DAB1: variants seen among roughly 807,000 people sequenced by gnomAD.
The protein encoded by DAB1 is DAB adaptor protein 1, also known as disabled homolog 1.
Under a neutral mutation model 64.6 loss-of-function variants are expected in DAB1, and 15 were observed. The ratio of observed to expected loss-of-function variants is 0.23; its 90% CI spans 0.16 to 0.36. The LOEUF is 0.36. DAB1 is among the 10% of genes least tolerant of loss of function. DAB1 has a pLI of 1.00. For missense variants in DAB1, 596 were observed against 706.7 expected (o/e 0.84, Z 1.78); for synonymous variants, 235 against 251.9 (o/e 0.93, Z 0.64).
At chr1:57,594,523 A>G (rs1013769093) in intron 7 of DAB1, among the ~76,000 whole-genome samples, 2 of 152,138 alleles carry the variant, frequency 1.3e-5, no homozygotes, top group African/African-American at 2.4e-5. Flanking sequence ...ATCACCCTCC[A>G]TGGACCATGA....
At chr1:57,220,936 A>G (rs1292248445) in intron 2 of DAB1, among the ~76,000 whole-genome samples, 3 of 152,222 alleles carry the variant, frequency 2.0e-5, no homozygotes, top group Non-Finnish European at 2.9e-5. Context: ...TGCTATAAAG[A>G]CACATGCACA....
chr1:57,053,552 C>T (rs537769482), intron 9 of DAB1, among the ~76,000 whole-genome samples: 1 of 151,586 alleles, frequency 6.6e-6, no homozygotes, highest in South Asian at 2.1e-4. Context: ...CCAAGCCTGG[C>T]TGTCATTAAA....
At chr1:58,027,081 T>C (rs1027827870) in intron 5 of DAB1, among the ~76,000 whole-genome samples, 1 of 152,212 alleles carries the variant, frequency 6.6e-6, no homozygotes, top group Admixed American at 6.5e-5. Flanking sequence ...GTGACAAGGC[T>C]CAGGCCCAGA....
At chr1:58,319,332 A>G (rs768487372) in intron 4 of DAB1, among the ~76,000 whole-genome samples, 8 of 152,140 alleles carry the variant, frequency 5.3e-5, no homozygotes, top group Non-Finnish European at 1.2e-4. Context: ...TTCCTATTTC[A>G]TTTTCACATT....
At position 58,396,680 on chromosome 1, in the gene DAB1, G is replaced by C. The variant is rs566473032; in HGVS notation, n.258-53277C>G. On this transcript the variant is annotated intron_variant and non_coding_transcript_variant, in intron 3 of 20. Coordinates refer to the DAB1 transcript ENST00000485760. ...AGAGGGAAGCAAAGAGAGACAAAAA[G>C]GGTCAGAGACAGGGAAAGAGGGAGC... Among the ~76,000 whole-genome samples, 8 of 152,192 alleles carry C rather than the reference G, an allele frequency of 5.3e-5. No homozygotes were observed. The South Asian group carries it at 1.5e-3, about 28-fold the overall frequency.
At chr1:57,053,305 T>C (rs764450454) in intron 9 of DAB1, among the ~76,000 whole-genome samples, 1 of 152,020 alleles carries the variant, frequency 6.6e-6, no homozygotes, top group Non-Finnish European at 1.5e-5. Context: ...TGGAGTGCAA[T>C]TGTGCAATCA....
intron 7 of DAB1, among the ~76,000 whole-genome samples, chr1:57,533,274 G>A (rs1435087165): frequency 6.6e-6 from 1 of 151,302 alleles, no homozygotes; most frequent in African/African-American, 2.4e-5. Flanking sequence ...CTTTCCTTAT[G>A]TCAAAACCTC....
At chr1:58,501,845 G>A (rs532717985) in intron 3 of DAB1, among the ~76,000 whole-genome samples, 1 of 152,234 alleles carries the variant, frequency 6.6e-6, no homozygotes, top group African/African-American at 2.4e-5. Context: ...GTTTAATGAG[G>A]TCTGAAGGGT....
chr1:58,102,498 T>A (rs138284027), intron 5 of DAB1, among the ~76,000 whole-genome samples: 1 of 152,276 alleles, frequency 6.6e-6, no homozygotes, highest in South Asian at 2.1e-4. Context: ...TTCTCCTGAA[T>A]CCATATTTTC....
chr1:57,480,052 TG>T (rs1332016221), intron 7 of DAB1, among the ~76,000 whole-genome samples: 19 of 149,744 alleles, frequency 1.3e-4, no homozygotes, highest in African/African-American at 4.5e-4. Flanking sequence ...CACGGGAGGC[TG>T]AGGCAGGAGA....
intron 1 of DAB1, among the ~76,000 whole-genome samples, chr1:57,301,827 G>C (rs1224298845): frequency 2.6e-5 from 4 of 152,134 alleles, no homozygotes; most frequent in Non-Finnish European, 4.4e-5. Flanking sequence ...CTCAGTGACT[G>C]TCTGGGTCCC....
chr1:57,835,123 G>A (rs988696526), intron 1 of DAB1, among the ~76,000 whole-genome samples: 2 of 152,156 alleles, frequency 1.3e-5, no homozygotes, highest in South Asian at 2.1e-4. Context: ...TGGGAATAAT[G>A]GGCAGCTCAT....
At chr1:57,674,416 T>C (rs1001369576) in intron 6 of DAB1, among the ~76,000 whole-genome samples, 1 of 152,160 alleles carries the variant, frequency 6.6e-6, no homozygotes, top group African/African-American at 2.4e-5. Flanking sequence ...ACCATGAGCT[T>C]CTTTGGCAAG....
At chr1:57,136,987 T>C (rs1658183523) in intron 3 of DAB1, among the ~76,000 whole-genome samples, 1 of 152,188 alleles carries the variant, frequency 6.6e-6, no homozygotes, top group Non-Finnish European at 1.5e-5. Flanking sequence ...GGTTTTATAT[T>C]AGATATGGTT....
chr1:57,462,979 A>G (rs1452828979), intron 7 of DAB1, among the ~76,000 whole-genome samples: 1 of 152,176 alleles, frequency 6.6e-6, no homozygotes, highest in Non-Finnish European at 1.5e-5. Flanking sequence ...ATCAAGATAA[A>G]TAGATTAGTA....
intron 1 of DAB1, among the ~76,000 whole-genome samples, chr1:57,834,008 C>G (rs1437869799): frequency 6.6e-6 from 1 of 152,086 alleles, no homozygotes; most frequent in African/African-American, 2.4e-5. Context: ...AAAAATGAAG[C>G]TTGTATTTGC....
intron 7 of DAB1, among the ~76,000 whole-genome samples, chr1:57,437,030 C>T (rs1412027110): frequency 4.8e-5 from 3 of 62,360 alleles, no homozygotes; most frequent in Admixed American, 2.5e-4. Flanking sequence ...AGCAAGACTC[C>T]GTCTCAAAAA....
intron 6 of DAB1, among the ~76,000 whole-genome samples, chr1:57,659,891 C>T (rs4409680): frequency 0.022 from 3,320 of 151,860 alleles, 112 homozygotes; most frequent in African/African-American, 0.076. Flanking sequence ...GCACAATAAT[C>T]GCTTGAATCT....
At chr1:57,575,116 G>T (rs1407183764) in intron 7 of DAB1, among the ~76,000 whole-genome samples, 1 of 152,184 alleles carries the variant, frequency 6.6e-6, no homozygotes, top group Non-Finnish European at 1.5e-5. Flanking sequence ...GGTGAAGGGA[G>T]CACCAGGAAC....
Sources: allele counts gnomAD v4.1 joint callset (sites outside exome capture counted in the v4.1 genomes callset), GRCh38; gene constraint gnomAD v4.1.1; transcripts MANE v1.5; gene names NCBI Gene and HGNC (gene_info 2026-07-23, HGNC 2026-07-21).